The following AKT3 variants were observed in gnomAD, a reference collection of about 807,000 sequenced individuals.
AKT3 encodes AKT serine/threonine kinase 3, also known as RAC-gamma serine/threonine-protein kinase.
AKT3 carries 15 observed loss-of-function variants against 65.3 expected under a neutral mutation model. That is an observed-to-expected ratio of 0.23 (90% confidence interval 0.15 to 0.35). The LOEUF (loss-of-function observed/expected upper bound fraction) is 0.35. Ranked by LOEUF, AKT3 falls within the 10% of genes least tolerant of loss-of-function variation. The pLI is 1.00. For synonymous variants in AKT3, 206 were observed against 183.8 expected, an observed-to-expected ratio of 1.12 and a Z score of -0.98; for missense variants, 243 against 576.5, an observed-to-expected ratio of 0.42 and a Z score of 5.92.
chr1:243,670,965 A>G (rs1213930754), intron 3 of AKT3, among the ~76,000 whole-genome samples: 1 of 152,236 alleles, frequency 6.6e-6, no homozygotes, highest in Non-Finnish European at 1.5e-5. Context: ...ATCTGTTTAG[A>G]TTAAAATGTT....
chr1:243,574,870 C>G (rs941013383), intron 8 of AKT3, among the ~76,000 whole-genome samples: 1 of 152,062 alleles, frequency 6.6e-6, no homozygotes, highest in Non-Finnish European at 1.5e-5. Flanking sequence ...AAAAGAATGT[C>G]AAGCCTACTT....
chr1:243,530,442 T>A (rs941310044), intron 12 of AKT3, among the ~76,000 whole-genome samples: 2 of 152,178 alleles, frequency 1.3e-5, no homozygotes, highest in African/African-American at 2.4e-5. Context: ...ATAATGAAAT[T>A]AAGGTAGAAA....
At chr1:243,802,582 T>C (rs557531771) in intron 2 of AKT3, among the ~76,000 whole-genome samples, 1 of 152,298 alleles carries the variant, frequency 6.6e-6, no homozygotes, top group Admixed American at 6.5e-5. Context: ...AAAACCAAGA[T>C]CATTAATTTT....
intron 8 of AKT3, among the ~76,000 whole-genome samples, chr1:243,602,003 T>G (rs1371764089): frequency 6.6e-6 from 1 of 152,200 alleles, no homozygotes; most frequent in Non-Finnish European, 1.5e-5. Context: ...GGCCATGCTC[T>G]GCCATAACCA....
chr1:243,650,699 G>C (rs572192337), intron 4 of AKT3, among the ~76,000 whole-genome samples: 2 of 152,250 alleles, frequency 1.3e-5, no homozygotes, highest in South Asian at 4.1e-4. Flanking sequence ...GTTTATCAAA[G>C]ATCAGATGGT....
At chr1:243,632,530 G>A (rs1679683761) in intron 6 of AKT3, among the ~76,000 whole-genome samples, 1 of 152,132 alleles carries the variant, frequency 6.6e-6, no homozygotes, top group African/African-American at 2.4e-5. Context: ...TAATTCTTAA[G>A]GGCCCTAGGA....
intron 2 of AKT3, among the ~76,000 whole-genome samples, chr1:243,786,189 C>A (rs1328658208): frequency 6.6e-6 from 1 of 152,156 alleles, no homozygotes; most frequent in Non-Finnish European, 1.5e-5. Flanking sequence ...TATCCTCTAA[C>A]CCTGATCAAA....
intron 2 of AKT3, among the ~76,000 whole-genome samples, chr1:243,826,299 T>C (rs953196843): frequency 1.3e-5 from 2 of 152,174 alleles, no homozygotes; most frequent in African/African-American, 2.4e-5. Context: ...GGTATCTGAT[T>C]GAGAACTGAA....
At chr1:243,547,806 T>C (rs1474440494) in intron 11 of AKT3, among the ~76,000 whole-genome samples, 3 of 152,172 alleles carry the variant, frequency 2.0e-5, no homozygotes, top group African/African-American at 7.2e-5. Context: ...CTGAATATCT[T>C]TAGTGATGAT....
chr1:243,846,851 A>G (rs1037470834), intron 1 of AKT3, among the ~76,000 whole-genome samples: 1 of 152,240 alleles, frequency 6.6e-6, no homozygotes, highest in African/African-American at 2.4e-5. Context: ...GAATGCCACA[A>G]TAAGTTTTTC....
intron 12 of AKT3, among the ~76,000 whole-genome samples, chr1:243,521,044 T>C (rs1047307743): frequency 2.0e-5 from 3 of 152,180 alleles, no homozygotes; most frequent in Non-Finnish European, 4.4e-5. Flanking sequence ...TCCACAGACC[T>C]TTTTTAGTAA....
chr1:243,660,609 G>C (rs1033737564), intron 4 of AKT3, among the ~76,000 whole-genome samples: 1 of 152,136 alleles, frequency 6.6e-6, no homozygotes, highest in African/African-American at 2.4e-5. Flanking sequence ...ATATCATACT[G>C]AATGGGCAAA....
At chr1:243,795,808 C>T (rs1349362067) in intron 2 of AKT3, among the ~76,000 whole-genome samples, 1 of 152,078 alleles carries the variant, frequency 6.6e-6, no homozygotes, top group African/African-American at 2.4e-5. Context: ...ATCCACGGCC[C>T]CTGGTTTCAA....
At chr1:243,577,874 G>C (rs373638804) in intron 8 of AKT3, among the ~76,000 whole-genome samples, 171 of 152,136 alleles carry the variant, frequency 1.1e-3, no homozygotes, top group African/African-American at 4.0e-3. Flanking sequence ...AGTGGGCAAA[G>C]GACATGAGCA....
intron 2 of AKT3, among the ~76,000 whole-genome samples, chr1:243,757,231 T>C (rs2148230094): frequency 6.6e-6 from 1 of 152,354 alleles, no homozygotes; most frequent in Non-Finnish European, 1.5e-5. Flanking sequence ...TTAATAGTTA[T>C]ACTCTTTTTA....
At chr1:243,681,262 T>C (rs1221426387) in intron 3 of AKT3, among the ~76,000 whole-genome samples, 1 of 152,152 alleles carries the variant, frequency 6.6e-6, no homozygotes, top group African/African-American at 2.4e-5. Context: ...TATATGTATG[T>C]AAAATACGAG....
chr1:243,669,795 AC>A (rs1446628336), intron 3 of AKT3, among the ~76,000 whole-genome samples: 1 of 152,220 alleles, frequency 6.6e-6, no homozygotes, highest in Non-Finnish European at 1.5e-5. Context: ...CAAGCAGATC[AC>A]TGAAAAGGAA....
intron 3 of AKT3, among the ~76,000 whole-genome samples, chr1:243,670,369 C>T (rs1311726257): frequency 1.3e-5 from 2 of 152,200 alleles, no homozygotes; most frequent in East Asian, 3.9e-4. Flanking sequence ...CTCTAAATTA[C>T]CATGTTAAAA....
chr1:243,522,570 G>A (rs2148389587), intron 12 of AKT3, among the ~76,000 whole-genome samples: 1 of 152,210 alleles, frequency 6.6e-6, no homozygotes, highest in Non-Finnish European at 1.5e-5. Context: ...GAGGTGGAAG[G>A]TTGAGGGTGA....
Sources: gnomAD v4.1 joint callset for allele counts (sites outside exome capture counted in the v4.1 genomes callset) on GRCh38, gnomAD v4.1.1 for gene constraint, MANE v1.5 for transcripts, NCBI Gene and HGNC (gene_info 2026-07-23, HGNC 2026-07-21) for gene names.